Variants in HEATR3 observed in about 807,000 individuals in gnomAD.
HEATR3 encodes HEAT repeat-containing protein 3.
Under a neutral mutation model 72.8 loss-of-function variants are expected in HEATR3, and 56 were observed. The ratio of observed to expected loss-of-function variants is 0.77; its 90% CI spans 0.62 to 0.96. The LOEUF (loss-of-function observed/expected upper bound fraction) is 0.96. HEATR3 is among the 40% of genes least tolerant of loss of function. The probability of loss-of-function intolerance (pLI) is 0.00; values close to 1 mark genes in which losing one functional copy is unlikely to be tolerated. For synonymous variants in HEATR3, 331 were observed against 318.1 expected, an observed-to-expected ratio of 1.04 and a Z score of -0.43; for missense variants, 747 against 831.4, an observed-to-expected ratio of 0.90 and a Z score of 1.25.
intron 11 of HEATR3, among the ~76,000 whole-genome samples, chr16:50,088,317 T>G (rs928517065): frequency 3.3e-5 from 5 of 152,238 alleles, no homozygotes; most frequent in African/African-American, 4.8e-5. Flanking sequence ...AATTAAATAT[T>G]CAGAAACCCA....
At chr16:50,088,672 T>A (rs1184771566) in intron 11 of HEATR3, among the ~76,000 whole-genome samples, 1 of 152,168 alleles carries the variant, frequency 6.6e-6, no homozygotes, top group Non-Finnish European at 1.5e-5. Context: ...GCATTCTGGC[T>A]CCCATCAGCC....
intron 11 of HEATR3, among the ~76,000 whole-genome samples, chr16:50,087,158 G>C (rs958377088): frequency 2.0e-5 from 3 of 152,108 alleles, no homozygotes; most frequent in Non-Finnish European, 4.4e-5. Context: ...GTATAAGAGA[G>C]CGTGTGTATG....
Position 50,078,810 on chromosome 16 carries a change from A to G in HEATR3, c.833A>G (p.Lys278Arg). ...SQAEIINALLKILSEVLGMDA... is the reference protein window; with the variant it reads ...SQAEIINALLRILSEVLGMDA... The stretch of plus-strand genomic sequence containing the variant: ...GCAGAAATCATAAATGCCTTACTAA[A>G]GATCTTATCTGAAGTTTTGGGAATG... The change falls in exon 7 of 15, where the codon AAG (lysine) becomes AGG (arginine). Residue 278 changes from lysine (K) to arginine (R), a missense_variant. Lys to Arg is a conservative substitution (Grantham distance 26). Around this residue, in one of 2 missense-constraint regions of HEATR3, gnomAD observed 586 missense variants for 708.8 expected, o/e 0.83. Coordinates refer to ENST00000299192, the MANE Select transcript of HEATR3 (RefSeq NM_182922.4). 6.2e-7 allele frequency: 1 copy of G among 1,614,134 alleles called. No individual in the cohort carries two copies. The highest frequency in any genetic ancestry group is 1.3e-5 in the African/African-American group (1 of 75,060).
chr16:50,093,460 T>C (rs1435614609), intron 11 of HEATR3, among the ~76,000 whole-genome samples: 1 of 152,140 alleles, frequency 6.6e-6, no homozygotes, highest in Non-Finnish European at 1.5e-5. Context: ...CTGGGGACAT[T>C]TGGCAACGTC....
At chr16:50,073,967 A>G (rs1283685277) in intron 5 of HEATR3, 1 of 152,218 alleles carries the variant, frequency 6.6e-6, no homozygotes, top group African/African-American at 2.4e-5. Context: ...GTATTCATAT[A>G]ACTTTTTTTG....
intron 12 of HEATR3, among the ~76,000 whole-genome samples, chr16:50,096,776 G>C (rs1317946553): frequency 6.6e-6 from 1 of 152,220 alleles, no homozygotes; most frequent in Non-Finnish European, 1.5e-5. Context: ...TCCAGCCTGG[G>C]CGACAGAGGG....
chr16:50,077,616 C>T (rs1267001466), intron 6 of HEATR3, among the ~76,000 whole-genome samples: 1 of 152,156 alleles, frequency 6.6e-6, no homozygotes, highest in Non-Finnish European at 1.5e-5. Flanking sequence ...GCCACCATTC[C>T]TTGACTCCTC....
chr16:50,079,878 G>A (rs545431516), intron 7 of HEATR3, among the ~76,000 whole-genome samples: 30 of 152,276 alleles, frequency 2.0e-4, no homozygotes, highest in Non-Finnish European at 2.6e-4. Context: ...GAACAGTGCC[G>A]TGGCCATGCA....
rs747846808 is a variant in HEATR3, at chr16:50,066,397, T to C, written c.169T>C (p.Cys57Arg). The change falls in exon 2 of 15, where the codon TGC becomes CGC. Residue 57 changes from cysteine to arginine, a missense_variant. Coordinates refer to ENST00000299192, the MANE Select transcript of HEATR3 (RefSeq NM_182922.4). ...GCACCCGAGCGCCGAGGTCCGCGAG[T>C]GCGCCTGCGCAGGGCTGGCCCGGCT... ...LQHPSAEVRE[C>R]ACAGLARLVQ... The C allele has an allele frequency of 1.9e-6, 3 of 1,548,254 alleles. No homozygotes were observed. The highest frequency in any genetic ancestry group is 2.3e-5 in the South Asian group (2 of 85,342).
chr16:50,078,514 A>G (rs1272505902), intron 6 of HEATR3, among the ~76,000 whole-genome samples: 1 of 152,220 alleles, frequency 6.6e-6, no homozygotes, highest in African/African-American at 2.4e-5. Flanking sequence ...GCAGTGTATC[A>G]GAGAAAGGCA....
intron 12 of HEATR3, among the ~76,000 whole-genome samples, chr16:50,097,985 TG>T (rs1204137015): frequency 3.3e-5 from 5 of 151,096 alleles, no homozygotes; most frequent in African/African-American, 1.2e-4. Context: ...ATTTCTTTAG[TG>T]GGGAAAGTGA....
chr16:50,089,096 A>G lies in HEATR3; in HGVS notation c.1510+2745A>G, dbSNP rs182721904. On this transcript the variant is annotated intron_variant, in intron 11 of 14. Coordinates refer to ENST00000299192, the MANE Select transcript of HEATR3 (RefSeq NM_182922.4). ...CACATTTATTAACTGCAAAGATCAC[A>G]GGAAAACTGCCCCAAGCTGAGTCCT... is the stretch of plus-strand genomic sequence containing the variant. Among the ~76,000 whole-genome samples the G allele has an allele frequency of 8.3e-3, 1,264 of 152,366 alleles. 7 individuals are homozygous for G. The highest frequency in any genetic ancestry group is 0.013 in the Non-Finnish European group (859 of 68,036).
rs538463128 is a variant in HEATR3, at chr16:50,100,421, G to C, written c.1743+48G>C. 4 of 1,563,660 alleles carry C rather than the reference G, an allele frequency of 2.6e-6. No individual in the cohort carries two copies. The East Asian group carries it at 9.0e-5, about 35-fold the overall frequency. ...TAACATGTTAAATAATTAGAAATGGGAGAAGAACTGTTGGTGTAGGATTTC... is the reference window on the plus strand; with the variant it reads ...TAACATGTTAAATAATTAGAAATGGCAGAAGAACTGTTGGTGTAGGATTTC... On this transcript the variant is annotated intron_variant, in intron 13 of 14. Transcript: ENST00000299192.
At position 50,105,097 on chromosome 16, in the gene HEATR3, T is replaced by A. The variant is rs1202213927; in HGVS notation, c.*36T>A. The A allele has an allele frequency of 1.3e-6, 2 of 1,592,662 alleles. No homozygotes were observed. Among genetic ancestry groups the A allele is most frequent in the East Asian group, 2.2e-5 (1 of 44,662 alleles). On this transcript the variant is annotated 3_prime_UTR_variant, in exon 15 of 15. Coordinates refer to ENST00000299192, the MANE Select transcript of HEATR3 (RefSeq NM_182922.4). ...AAAGAAACCAGTTCTTCCCCCAAAG[T>A]ATTCAATGCTTAGAATACTAAAAGG...
chr16:50,084,112 G>A (rs778002094), intron 8 of HEATR3, 22 bp from the exon 9 acceptor site: 3 of 1,614,050 alleles, frequency 1.9e-6, no homozygotes, highest in Non-Finnish European at 2.5e-6. Context: ...TTCCAGTTCT[G>A]CGTGGTTTGC....
At chr16:50,082,942 C>T (rs961139064) in intron 7 of HEATR3, among the ~76,000 whole-genome samples, 43 of 152,040 alleles carry the variant, frequency 2.8e-4, no homozygotes, top group African/African-American at 4.3e-4. Flanking sequence ...AGGCATGCAC[C>T]GCCATGCCTG....
At chr16:50,080,252 A>G (rs1281804086) in intron 7 of HEATR3, 1 of 152,158 alleles carries the variant, frequency 6.6e-6, no homozygotes, top group Non-Finnish European at 1.5e-5. Context: ...TTCCCCTCAT[A>G]TGAGCAAACT....
At chr16:50,069,621 C>T (rs894737000) in intron 3 of HEATR3, among the ~76,000 whole-genome samples, 1 of 152,176 alleles carries the variant, frequency 6.6e-6, no homozygotes. Flanking sequence ...GACAGCCCTT[C>T]CTTCCCCAAC....
At chr16:50,066,596 T>C in intron 2 of HEATR3, 57 bp downstream of exon 2, 1 of 1,250,786 alleles carries the variant, frequency 8.0e-7, no homozygotes, top group South Asian at 3.2e-5. Flanking sequence ...GCGTCTGGGC[T>C]GCGGGCGGTC....
Sources: gnomAD v4.1 joint callset for allele counts (sites outside exome capture counted in the v4.1 genomes callset) on GRCh38, gnomAD v4.1.1 for gene constraint, gnomAD v4.1.1 regional missense constraint, MANE v1.5 for transcripts, NCBI Gene and HGNC (gene_info 2026-07-23, HGNC 2026-07-21) for gene names.